Variants in EEF1AKMT1 observed in about 807,000 individuals in gnomAD.
The protein encoded by EEF1AKMT1 is EEF1A lysine methyltransferase 1, also known as N-6 adenine-specific DNA methyltransferase 2 (putative).
In EEF1AKMT1, 18 loss-of-function variants were observed where a neutral mutation model predicts 21.0. The observed-to-expected ratio is 0.86, with a 90% CI of 0.59 to 1.27. The LOEUF is 1.27. Ranked by LOEUF, EEF1AKMT1 falls within the 50% of genes most tolerant of loss-of-function variation. EEF1AKMT1 has a pLI of 0.00. For missense variants in EEF1AKMT1, 246 were observed against 258.6 expected, an observed-to-expected ratio of 0.95 and a Z score of 0.33; for synonymous variants, 109 against 94.8, an observed-to-expected ratio of 1.15 and a Z score of -0.87.
chr13:20,743,576 C>T (rs1284243715), intron 2 of EEF1AKMT1, among the ~76,000 whole-genome samples: 1 of 151,182 alleles, frequency 6.6e-6, no homozygotes, highest in Non-Finnish European at 1.5e-5. Flanking sequence ...CATTTTGCTC[C>T]AATCATCACT....
At chr13:20,772,784 A>G (rs1454004916) in intron 1 of EEF1AKMT1, among the ~76,000 whole-genome samples, 4 of 152,196 alleles carry the variant, frequency 2.6e-5, no homozygotes, top group African/African-American at 9.7e-5. Flanking sequence ...CTGGCTTCTC[A>G]GGGGCTGTGG....
intron 2 of EEF1AKMT1, among the ~76,000 whole-genome samples, chr13:20,740,798 G>A (rs1299570441): frequency 6.6e-6 from 1 of 152,104 alleles, no homozygotes; most frequent in Non-Finnish European, 1.5e-5. Flanking sequence ...GGGAGACTCA[G>A]TCTCAAAACA....
At chr13:20,742,003 C>G (rs1415476771) in intron 2 of EEF1AKMT1, among the ~76,000 whole-genome samples, 1 of 152,070 alleles carries the variant, frequency 6.6e-6, no homozygotes, top group African/African-American at 2.4e-5. Flanking sequence ...TTTAATTATT[C>G]CTGTTACAAA....
chr13:20,738,433 G>A (rs527492536), intron 2 of EEF1AKMT1, among the ~76,000 whole-genome samples: 52 of 152,318 alleles, frequency 3.4e-4, no homozygotes, highest in African/African-American at 1.2e-3. Context: ...TTTAATGGAA[G>A]AAGTAGCATG....
At chr13:20,761,458 T>C (rs2059001232) in intron 1 of EEF1AKMT1, among the ~76,000 whole-genome samples, 1 of 152,348 alleles carries the variant, frequency 6.6e-6, no homozygotes, top group South Asian at 2.1e-4. Context: ...CACTTAACCA[T>C]TCACCCACTA....
Position 20,747,354 on chromosome 13 carries a change from C to T in EEF1AKMT1, c.145-9549G>A, listed in dbSNP as rs186729020. The stretch of plus-strand genomic sequence containing the variant: ...AGATTCTTCTTTTGGTGGAAGAGAA[C>T]GGATTTTGCCTTCACTTTCCTGTCC... On this transcript the variant is annotated intron_variant, in intron 2 of 4. Transcript: ENST00000382758. 193 of 234,536 alleles carry T rather than the reference C, an allele frequency of 8.2e-4. 1 individual carries two copies. The highest frequency in any genetic ancestry group is 7.1e-4 in the Non-Finnish European group (78 of 109,528). The allele number at this position is 234,536 out of a possible 1,614,324, so 14.5% of individuals were successfully genotyped here.
chr13:20,771,927 C>A (rs2059064668), intron 1 of EEF1AKMT1, among the ~76,000 whole-genome samples: 1 of 151,902 alleles, frequency 6.6e-6, no homozygotes, highest in African/African-American at 2.4e-5. Context: ...AGGAGAATCG[C>A]TTGAACCCAG....
intron 2 of EEF1AKMT1, chr13:20,747,462 C>CTTTTTCTTTTTTTT (rs2058911943): frequency 3.4e-5 from 3 of 87,632 alleles, no homozygotes; most frequent in Non-Finnish European, 6.1e-5. Flanking sequence ...TAGGCACATT[C>CTTTTTCTTTTTTTT]TTTTTTTTTT....
At chr13:20,729,258 A>C in intron 4 of EEF1AKMT1, 42 bp from the exon 5 acceptor site, 1 of 1,612,468 alleles carries the variant, frequency 6.2e-7, no homozygotes, top group South Asian at 1.1e-5. Flanking sequence ...GTGACAACCC[A>C]GCCGGAGCTC....
intron 1 of EEF1AKMT1, among the ~76,000 whole-genome samples, chr13:20,766,311 AAAAAG>A (rs1478508131): frequency 3.3e-5 from 5 of 150,834 alleles, no homozygotes; most frequent in South Asian, 2.1e-4. Context: ...AAAAAAAAAA[AAAAAG>A]AAAGAAAGAA....
At chr13:20,764,561 TC>T (rs1159346203) in intron 1 of EEF1AKMT1, among the ~76,000 whole-genome samples, 1 of 152,178 alleles carries the variant, frequency 6.6e-6, no homozygotes, top group African/African-American at 2.4e-5. Flanking sequence ...CTTGCTGGTT[TC>T]CCATCTAGTA....
intron 4 of EEF1AKMT1, among the ~76,000 whole-genome samples, chr13:20,730,784 A>C (rs753988641): frequency 4.6e-5 from 7 of 152,206 alleles, no homozygotes; most frequent in Non-Finnish European, 1.0e-4. Flanking sequence ...AATAAGCAGG[A>C]CGTGGGCAGG....
chr13:20,732,937 G>A (rs2058805985), intron 3 of EEF1AKMT1, among the ~76,000 whole-genome samples: 1 of 152,016 alleles, frequency 6.6e-6, no homozygotes, highest in Non-Finnish European at 1.5e-5. Flanking sequence ...CTGAATTTCT[G>A]CTTTGCTTCT....
intron 2 of EEF1AKMT1, among the ~76,000 whole-genome samples, chr13:20,739,107 G>A (rs920158739): frequency 7.9e-5 from 12 of 151,988 alleles, no homozygotes; most frequent in South Asian, 4.1e-4. Context: ...GCAGACCTTC[G>A]CCAAGAGGAT....
chr13:20,730,437 C>T (rs2058786244), intron 4 of EEF1AKMT1, among the ~76,000 whole-genome samples: 1 of 152,206 alleles, frequency 6.6e-6, no homozygotes, highest in Non-Finnish European at 1.5e-5. Context: ...CACAACAGCA[C>T]TCAAGGGTGT....
At chr13:20,740,971 T>C (rs1252621859) in intron 2 of EEF1AKMT1, among the ~76,000 whole-genome samples, 3 of 152,144 alleles carry the variant, frequency 2.0e-5, no homozygotes, top group Non-Finnish European at 4.4e-5. Flanking sequence ...CTTCTTTCTA[T>C]GCTATGGTGG....
intron 2 of EEF1AKMT1, among the ~76,000 whole-genome samples, chr13:20,740,925 T>C (rs2058866864): frequency 6.6e-6 from 1 of 152,174 alleles, no homozygotes; most frequent in Non-Finnish European, 1.5e-5. Context: ...TGGAGGACTT[T>C]TGTGTACTTC....
intron 2 of EEF1AKMT1, among the ~76,000 whole-genome samples, chr13:20,745,688 AAAAT>A (rs2058899875): frequency 1.3e-5 from 2 of 152,052 alleles, no homozygotes; most frequent in African/African-American, 4.8e-5. Context: ...ATCTCTTCTA[AAAAT>A]ACAAAAATTA....
chr13:20,730,789 G>T (rs539592460), intron 4 of EEF1AKMT1, among the ~76,000 whole-genome samples: 3 of 152,260 alleles, frequency 2.0e-5, no homozygotes, highest in South Asian at 4.1e-4. Flanking sequence ...GCAGGACGTG[G>T]GCAGGGACAA....
Sources: gnomAD v4.1 joint callset for allele counts (sites outside exome capture counted in the v4.1 genomes callset) on GRCh38, gnomAD v4.1.1 for gene constraint, MANE v1.5 for transcripts, NCBI Gene and HGNC (gene_info 2026-07-23, HGNC 2026-07-21) for gene names.